Variants in CACNA1F observed in about 807,000 individuals in gnomAD.
The protein encoded by CACNA1F is calcium voltage-gated channel subunit alpha1 F, also known as voltage-dependent L-type calcium channel subunit alpha-1F.
Under a neutral mutation model 143.8 loss-of-function variants are expected in CACNA1F, and 59 were observed. That is an observed-to-expected ratio of 0.41 (90% CI 0.33 to 0.51). CACNA1F has a LOEUF of 0.51. Ranked by LOEUF, CACNA1F falls within the 20% of genes least tolerant of loss-of-function variation. The probability of loss-of-function intolerance (pLI) is 0.22; values close to 1 mark genes in which losing one functional copy is unlikely to be tolerated. For missense variants in CACNA1F, 1,411 were observed against 1,647.5 expected (o/e 0.86, Z 2.48); for synonymous variants, 643 against 649.1 (o/e 0.99, Z 0.14).
intron 20 of CACNA1F, 64 bp from the exon 21 acceptor site, chrX:49,219,514 G>T: frequency 8.4e-7 from 1 of 1,186,759 alleles, no homozygotes; most frequent in East Asian, 3.1e-5. Context: ...GGATTCCAAG[G>T]GATACAGTTC....
chrX:49,222,039 C>A (rs1319148948), intron 17 of CACNA1F, among the ~76,000 whole-genome samples: 1 of 109,143 alleles, frequency 9.2e-6, no homozygotes, highest in Non-Finnish European at 1.9e-5. Context: ...TTGCACTTGC[C>A]ACTCCCCTTC....
rs782028798 is a variant in CACNA1F at position 49,224,976 on chromosome X, G to A, written c.1662C>T (p.Asn554=). The A allele has an allele frequency of 1.0e-5, 12 of 1,179,601 alleles. No homozygotes were observed. Among genetic ancestry groups the A allele is most frequent in the Non-Finnish European group, 1.3e-5 (11 of 870,038 alleles). ...CCGTGAACAGACAGAGCAACACTTT[G>A]TTGGCATACTCTGTGGGGAGAGAGG... ...VWLTQIQEYA[N]KVLLCLFTVE... Residue 554 remains asparagine (N), a synonymous_variant, in exon 14 of 48, where the codon AAC becomes AAT. Coordinates refer to ENST00000323022, the MANE Select transcript of CACNA1F (RefSeq NM_001256789.3).
At chrX:49,220,646 T>C (rs1172843806) in intron 18 of CACNA1F, 122 bp from the exon 19 acceptor site, 5 of 603,076 alleles carry the variant, frequency 8.3e-6, no homozygotes, top group Non-Finnish European at 1.4e-5. Flanking sequence ...GTTAAAGACA[T>C]GCACATATGG....
chrX:49,209,028 T>G, intron 42 of CACNA1F: 1 of 412,392 alleles, frequency 2.4e-6, no homozygotes. Flanking sequence ...GGTTTCACTA[T>G]TTTGCCAGGA....
At chrX:49,218,125 G>A (rs1251645159) in intron 24 of CACNA1F, 120 bp from the exon 25 acceptor site, 3 of 522,931 alleles carry the variant, frequency 5.7e-6, no homozygotes, top group Non-Finnish European at 9.9e-6. Flanking sequence ...GATGGGTCAG[G>A]GATGTATGGT....
At chrX:49,207,668 G>A (rs2065612054) in intron 43 of CACNA1F, among the ~76,000 whole-genome samples, 1 of 109,739 alleles carries the variant, frequency 9.1e-6, no homozygotes, top group African/African-American at 3.3e-5. Flanking sequence ...GGGCTCAAGC[G>A]ATCCTCCCAC....
At chrX:49,213,985 G>A (rs1003429059) in intron 30 of CACNA1F, 83 bp from the exon 31 acceptor site, 4 of 723,182 alleles carry the variant, frequency 5.5e-6, no homozygotes, top group Non-Finnish European at 6.4e-6. Flanking sequence ...GGGGGCGCCG[G>A]AGGGGGGCAG....
rs1427667561 is a variant in CACNA1F, at chrX:49,219,734, C to T, written c.2443G>A (p.Gly815Ser). ...TGCAGGAGTTCCACACCCCCTGCAC[C>T]CTCTTCCTCTTCTTCCTCTTCTTCC... ...EEEEEEEEEE[G>S]AGGVELLQEV... The change falls in exon 20 of 48, where the codon GGT (glycine) becomes AGT (serine). Residue 815 changes from glycine to serine, a missense_variant. By Grantham distance (56) the Gly-to-Ser change is moderately conservative. Transcript: ENST00000323022. The T allele has an allele frequency of 5.1e-6, 6 of 1,177,402 alleles. No homozygotes were observed. The African/African-American group carries it at 9.4e-5, about 18-fold the overall frequency.
At chrX:49,207,644 G>C (rs992404212) in intron 43 of CACNA1F, among the ~76,000 whole-genome samples, 4 of 109,335 alleles carry the variant, frequency 3.7e-5, no homozygotes, top group African/African-American at 1.3e-4. Flanking sequence ...TGTGCAGGCT[G>C]GTCTTGTACT....
At position 49,205,701 on chromosome X, in the gene CACNA1F, C is replaced by T. The variant is rs782778888; in HGVS notation, c.5585G>A (p.Arg1862His). 13 of 1,202,408 alleles carry T rather than the reference C, an allele frequency of 1.1e-5. No individual in the cohort carries two copies. In the East Asian group the frequency reaches 1.2e-4, roughly 11 times the overall value. The stretch of plus-strand genomic sequence containing the variant: ...AGGCACGTGCAGACAGGTGAAGGTG[C>T]GCAGTGGGCCACTGGATCTGCCGAG... ...GYLGRSSGPL[R>H]TFTCLHVPGT... Residue 1862 changes from arginine (R) to histidine (H), a missense_variant, in exon 47 of 48, where the codon CGC becomes CAC. By Grantham distance (29) the Arg-to-His change is conservative. Coordinates refer to ENST00000323022, the MANE Select transcript of CACNA1F (RefSeq NM_001256789.3).
chrX:49,223,516 G>A (rs1189507405), intron 14 of CACNA1F, among the ~76,000 whole-genome samples: 1 of 93,134 alleles, frequency 1.1e-5, no homozygotes, highest in African/African-American at 4.0e-5. Flanking sequence ...GAAGAATGGC[G>A]TGAACCCAGG....
chrX:49,222,182 T>C (rs1191339713), intron 17 of CACNA1F: 1 of 178,418 alleles, frequency 5.6e-6, no homozygotes, highest in East Asian at 1.2e-4. Context: ...CATTTCTTGC[T>C]ATCCTTTCAT....
Position 49,224,817 on chromosome X carries a change from G to A in CACNA1F, c.1821C>T (p.Pro607=). The part of the protein sequence containing the change: ...TTLVEVGAMQ[P]LGISVLRCVR... ...CACATCGGAGCACTGAGATGCCCAA[G>A]GGCTGCATGGCACCCACCTCCACCA... Residue 607 remains proline (P), a synonymous_variant, in exon 14 of 48, where the codon CCC becomes CCT. Transcript: ENST00000323022. 8.4e-7 allele frequency: 1 copy of A among 1,197,329 alleles called. No individual in the cohort carries two copies. Among genetic ancestry groups the A allele is most frequent in the Non-Finnish European group, 1.1e-6 (1 of 887,090 alleles).
rs138861846 is a variant in CACNA1F at position 49,212,574 on chromosome X, T to C, written c.3942+93A>G. Reference sequence around the variant, plus strand: ...ATAATTTGGAAATGGGTATGGCATGTTGGGAGATGTAGTTCTGAGGGTGGT... The same window carrying C: ...ATAATTTGGAAATGGGTATGGCATGCTGGGAGATGTAGTTCTGAGGGTGGT... On this transcript the variant is annotated intron_variant, in intron 33 of 47. Coordinates refer to ENST00000323022, the MANE Select transcript of CACNA1F (RefSeq NM_001256789.3). 1.2e-4 allele frequency: 112 copies of C among 950,685 alleles called. No individual in the cohort carries two copies. In the African/African-American group the frequency reaches 2.1e-3, roughly 18 times the overall value. The allele number at this position is 950,685 out of a possible 1,213,427, so 78.3% of individuals were successfully genotyped here. A position where few individuals can be genotyped will look rare whatever the true frequency, so the allele number is the denominator to read the frequency against.
At chrX:49,207,643 T>A (rs1464402878) in intron 43 of CACNA1F, among the ~76,000 whole-genome samples, 3 of 109,545 alleles carry the variant, frequency 2.7e-5, no homozygotes, top group Non-Finnish European at 3.8e-5. Context: ...TTGTGCAGGC[T>A]GGTCTTGTAC....
chrX:49,210,138 C>T, intron 39 of CACNA1F, 96 bp from the exon 40 acceptor site: 5 of 700,011 alleles, frequency 7.1e-6, no homozygotes, highest in East Asian at 3.2e-5. Flanking sequence ...AAGCTGCTAC[C>T]GCAGATGCAC....
intron 33 of CACNA1F, 55 bp from the exon 34 acceptor site, chrX:49,212,363 C>G: frequency 2.1e-6 from 2 of 971,366 alleles, no homozygotes; most frequent in Non-Finnish European, 2.9e-6. Flanking sequence ...AGGCAAAGAA[C>G]TATAAGCCCC....
chrX:49,210,452 G>A (rs375786960), intron 38 of CACNA1F, 49 bp from the exon 39 acceptor site: 88 of 1,069,213 alleles, frequency 8.2e-5, no homozygotes, highest in Non-Finnish European at 1.1e-4. Context: ...TGCCGGGTAT[G>A]CAGGAACGAA....
chrX:49,209,304 C>T lies in CACNA1F; in HGVS notation c.4911G>A (p.Glu1637=), dbSNP rs1427872411. 19 of 1,199,113 alleles carry T rather than the reference C, an allele frequency of 1.6e-5. No homozygotes were observed. The highest frequency in any genetic ancestry group is 2.1e-5 in the Non-Finnish European group (19 of 885,281). The part of the protein sequence containing the change: ...DTEEEEEEGQ[E]GVEEEDEKDL... ...CCTTTTCATCTTCCTCCTCCACTCC[C>T]TCCTGCCCCTCTTCTTCCTCCTCCT... Residue 1637 remains glutamate, a synonymous_variant, in exon 42 of 48, where the codon GAG becomes GAA. Coordinates refer to ENST00000323022, the MANE Select transcript of CACNA1F (RefSeq NM_001256789.3).
Sources: allele counts gnomAD v4.1 joint callset (sites outside exome capture counted in the v4.1 genomes callset), GRCh38; gene constraint gnomAD v4.1.1; transcripts MANE v1.5; gene names NCBI Gene and HGNC (gene_info 2026-07-23, HGNC 2026-07-21).